ABCC1: variants seen among roughly 807,000 people sequenced by gnomAD.
ABCC1 encodes the protein ATP binding cassette subfamily C member 1 (ABCC1 blood group).
Under a neutral mutation model 172.9 loss-of-function variants are expected in ABCC1, and 83 were observed. The observed-to-expected ratio is 0.48, with a 90% CI of 0.40 to 0.58. The LOEUF (loss-of-function observed/expected upper bound fraction) is 0.58, where lower values mean the gene tolerates loss of function less well. ABCC1 is among the 20% of genes least tolerant of loss of function. The probability of loss-of-function intolerance (pLI) is 0.00; values close to 1 mark genes in which losing one functional copy is unlikely to be tolerated. For synonymous variants in ABCC1, 937 were observed against 825.2 expected (o/e 1.14, Z -2.32); for missense variants, 1,817 against 2,002.7 (o/e 0.91, Z 1.77).
chr16:16,141,119 C>A, intron 30 of ABCC1, 54 bp from the exon 31 acceptor site: 1 of 1,516,250 alleles, frequency 6.6e-7, no homozygotes, highest in Non-Finnish European at 9.1e-7. Context: ...GTCCCAGGGG[C>A]ACGAGGTGCT....
At chr16:16,131,557 C>T (rs757175761) in intron 26 of ABCC1, among the ~76,000 whole-genome samples, 8 of 151,956 alleles carry the variant, frequency 5.3e-5, no homozygotes, top group South Asian at 4.2e-4. Context: ...GAAGGCAGTG[C>T]GGGAGGGGAC....
chr16:16,087,413 G>A (rs543884277), intron 18 of ABCC1, among the ~76,000 whole-genome samples: 1 of 152,240 alleles, frequency 6.6e-6, no homozygotes, highest in East Asian at 1.9e-4. Context: ...TCTTTTTATA[G>A]GGCAGTTGTG....
At chr16:16,037,836 C>A (rs1263246600) in intron 7 of ABCC1, among the ~76,000 whole-genome samples, 1 of 152,208 alleles carries the variant, frequency 6.6e-6, no homozygotes, top group Non-Finnish European at 1.5e-5. Context: ...ACTAGGACAT[C>A]AGCAGAGGAC....
chr16:15,991,259 C>T (rs1486906734), intron 1 of ABCC1, among the ~76,000 whole-genome samples: 2 of 151,366 alleles, frequency 1.3e-5, no homozygotes, highest in East Asian at 1.9e-4. Context: ...GCCTCTAAAT[C>T]GCAGGGAAGC....
chr16:16,014,453 A>C (rs2047913703), intron 3 of ABCC1, 38 bp from the exon 4 acceptor site: 1 of 1,601,748 alleles, frequency 6.2e-7, no homozygotes, highest in Non-Finnish European at 8.5e-7. Context: ...GTCTCAAAAA[A>C]AAACCCAACA....
At chr16:16,094,216 G>A (rs138733046) in intron 19 of ABCC1, 29 of 274,298 alleles carry the variant, frequency 1.1e-4, no homozygotes, top group African/African-American at 5.7e-4. Flanking sequence ...GTCCGGCGAC[G>A]CAACTTAGGT....
intron 1 of ABCC1, among the ~76,000 whole-genome samples, chr16:16,002,964 GAC>G (rs1351582224): frequency 6.6e-6 from 1 of 152,140 alleles, no homozygotes; most frequent in Non-Finnish European, 1.5e-5. Context: ...TGGGGAGAAA[GAC>G]ATATTTTTCA....
intron 1 of ABCC1, among the ~76,000 whole-genome samples, chr16:15,961,000 GTTTTT>G (rs745767540): frequency 3.2e-4 from 35 of 107,708 alleles, no homozygotes; most frequent in Admixed American, 3.1e-3. Flanking sequence ...TGAAACGCAG[GTTTTT>G]TTTTTTTTTT....
Position 16,048,279 on chromosome 16 carries a change from C to A in ABCC1, c.1356C>A (p.Ile452=), listed in dbSNP as rs377285314. The A allele has an allele frequency of 1.9e-6, 3 of 1,614,014 alleles. No individual in the cohort carries two copies. The highest frequency in any genetic ancestry group is 1.3e-5 in the African/African-American group (1 of 74,926). Reference sequence around the variant, plus strand: ...TCTGGTCAGCCCCCCTGCAAGTCATCCTTGCTCTCTACCTCCTGTGGCTGG... The same window carrying A: ...TCTGGTCAGCCCCCCTGCAAGTCATACTTGCTCTCTACCTCCTGTGGCTGG... ...NMIWSAPLQV[I]LALYLLWLNL... The change falls in exon 10 of 31, where the codon ATC becomes ATA. Residue 452 remains isoleucine (I), a synonymous_variant. Transcript: ENST00000399410.
At chr16:16,034,468 A>G (rs2048674079) in intron 6 of ABCC1, among the ~76,000 whole-genome samples, 1 of 151,754 alleles carries the variant, frequency 6.6e-6, no homozygotes, top group African/African-American at 2.4e-5. Flanking sequence ...TGCTAATAAC[A>G]TTCATTCTTG....
At chr16:16,134,137 T>C (rs1195522585) in intron 27 of ABCC1, among the ~76,000 whole-genome samples, 1 of 152,188 alleles carries the variant, frequency 6.6e-6, no homozygotes, top group Non-Finnish European at 1.5e-5. Context: ...TCATTCCTTT[T>C]GGGAGCCTGG....
At chr16:16,084,099 T>TTTTA (rs938688819) in intron 17 of ABCC1, among the ~76,000 whole-genome samples, 2 of 152,056 alleles carry the variant, frequency 1.3e-5, no homozygotes, top group African/African-American at 4.8e-5. Flanking sequence ...CTTTCTTTCT[T>TTTTA]TTTATTTATT....
intron 1 of ABCC1, among the ~76,000 whole-genome samples, chr16:15,995,625 G>T (rs886479362): frequency 1.3e-5 from 2 of 152,106 alleles, no homozygotes; most frequent in Non-Finnish European, 2.9e-5. Flanking sequence ...AGTAGTCGCT[G>T]ATAAATGTCC....
chr16:16,071,700 A>T lies in ABCC1; in HGVS notation c.1883A>T (p.Asp628Val), dbSNP rs2050356038. Residue 628 changes from aspartate (D) to valine (V), a missense_variant, in exon 14 of 31, where the codon GAC becomes GTC. This residue lies in a region of ABCC1 where 1,412 missense variants were observed against 1,600.3 expected (regional missense o/e 0.88). Coordinates refer to ENST00000399410, the MANE Select transcript of ABCC1 (RefSeq NM_004996.4). ...IFLSHEELEP[D>V]SIERRPVKDG... is the part of the protein sequence containing the mutation. Reference sequence around the variant, plus strand: ...CTCTCCCATGAGGAGCTGGAACCTGACAGCATCGAGCGACGGCCTGTCAAA... The same window carrying T: ...CTCTCCCATGAGGAGCTGGAACCTGTCAGCATCGAGCGACGGCCTGTCAAA... 1 of 1,613,886 alleles carries T rather than the reference A, an allele frequency of 6.2e-7. No individual in the cohort carries two copies. The highest frequency in any genetic ancestry group is 1.1e-5 in the South Asian group (1 of 91,016).
intron 1 of ABCC1, among the ~76,000 whole-genome samples, chr16:15,962,643 C>G (rs888063943): frequency 6.6e-6 from 1 of 152,122 alleles, no homozygotes; most frequent in Non-Finnish European, 1.5e-5. Flanking sequence ...TGGCAGGAGA[C>G]AGAAGTGCAG....
chr16:15,952,263 T>C (rs964666186), intron 1 of ABCC1, among the ~76,000 whole-genome samples: 8 of 152,196 alleles, frequency 5.3e-5, no homozygotes, highest in African/African-American at 1.7e-4. Flanking sequence ...TGAAGTTGTG[T>C]GTTTTAAGCT....
intron 1 of ABCC1, among the ~76,000 whole-genome samples, chr16:15,959,373 T>A (rs1186059437): frequency 6.6e-6 from 1 of 152,202 alleles, no homozygotes. Context: ...TCACCCAGGC[T>A]GGAGTGCAGT....
chr16:15,978,643 C>G (rs1597069010), intron 1 of ABCC1, among the ~76,000 whole-genome samples: 1 of 152,032 alleles, frequency 6.6e-6, no homozygotes, highest in African/African-American at 2.4e-5. Context: ...ACAAGCAAAG[C>G]TCAGTAATTT....
intron 5 of ABCC1, among the ~76,000 whole-genome samples, chr16:16,032,470 T>A (rs977370664): frequency 6.6e-6 from 1 of 152,182 alleles, no homozygotes; most frequent in Non-Finnish European, 1.5e-5. Flanking sequence ...TTTCTGTTTG[T>A]TTAGATTTGT....
Sources: allele counts gnomAD v4.1 joint callset (sites outside exome capture counted in the v4.1 genomes callset), GRCh38; gene constraint gnomAD v4.1.1; regional missense constraint gnomAD v4.1.1; transcripts MANE v1.5; gene names NCBI Gene and HGNC (gene_info 2026-07-23, HGNC 2026-07-21).